ATP6V1C2: variants seen among roughly 807,000 people sequenced by gnomAD.
The protein encoded by ATP6V1C2 is V-type proton ATPase subunit C 2.
ATP6V1C2 carries 45 observed loss-of-function variants against 56.8 expected under a neutral mutation model. That is an observed-to-expected ratio of 0.79 (90% CI 0.62 to 1.02). The LOEUF (loss-of-function observed/expected upper bound fraction) is 1.02, where lower values mean the gene tolerates loss of function less well. Ranked by LOEUF, ATP6V1C2 falls within the 50% of genes least tolerant of loss-of-function variation. The probability of loss-of-function intolerance (pLI) is 0.00; values close to 1 mark genes in which losing one functional copy is unlikely to be tolerated. For missense variants in ATP6V1C2, 463 were observed against 519.7 expected, an observed-to-expected ratio of 0.89 and a Z score of 1.06; for synonymous variants, 220 against 201.3, an observed-to-expected ratio of 1.09 and a Z score of -0.79.
At chr2:10,781,906 G>A (rs992355884) in intron 12 of ATP6V1C2, among the ~76,000 whole-genome samples, 3 of 152,194 alleles carry the variant, frequency 2.0e-5, no homozygotes, top group African/African-American at 4.8e-5. Context: ...AAAAACGGCC[G>A]AGCTGGGTTT....
At chr2:10,748,266 G>T (rs1663029664) in intron 3 of ATP6V1C2, among the ~76,000 whole-genome samples, 1 of 152,106 alleles carries the variant, frequency 6.6e-6, no homozygotes, top group Non-Finnish European at 1.5e-5. Context: ...TCCTTAATTT[G>T]AACTCGTGCT....
At chr2:10,750,684 G>C (rs923858712) in intron 3 of ATP6V1C2, among the ~76,000 whole-genome samples, 3 of 152,206 alleles carry the variant, frequency 2.0e-5, no homozygotes, top group African/African-American at 4.8e-5. Flanking sequence ...AGACATTGCT[G>C]AGCAGCTGCT....
chr2:10,744,778 C>T (rs1051928446), intron 3 of ATP6V1C2, among the ~76,000 whole-genome samples: 1 of 149,794 alleles, frequency 6.7e-6, no homozygotes, highest in African/African-American at 2.5e-5. Context: ...AAGCAATTCT[C>T]CTGCCTCTGC....
chr2:10,776,182 G>C (rs1045220955), intron 10 of ATP6V1C2, among the ~76,000 whole-genome samples: 1 of 152,068 alleles, frequency 6.6e-6, no homozygotes, highest in Non-Finnish European at 1.5e-5. Context: ...TCCCTTTAGG[G>C]AGGAAACAAC....
chr2:10,737,256 AAT>A (rs1258369980), intron 3 of ATP6V1C2, among the ~76,000 whole-genome samples: 3 of 23,332 alleles, frequency 1.3e-4, no homozygotes, highest in African/African-American at 5.1e-4. Context: ...CTCTACTAAA[AAT>A]ACAAAAAAAA....
intron 3 of ATP6V1C2, among the ~76,000 whole-genome samples, chr2:10,737,946 C>T (rs187117108): frequency 5.4e-4 from 82 of 152,230 alleles, no homozygotes; most frequent in African/African-American, 1.8e-3. Flanking sequence ...CTGCCTTGGC[C>T]TCCCAAAATG....
chr2:10,772,287 G>A (rs1459274018), intron 7 of ATP6V1C2, among the ~76,000 whole-genome samples: 2 of 152,126 alleles, frequency 1.3e-5, no homozygotes, highest in East Asian at 1.9e-4. Context: ...CACGGGGCCC[G>A]GATTAGATGG....
intron 4 of ATP6V1C2, among the ~76,000 whole-genome samples, chr2:10,762,208 C>T (rs1270977813): frequency 6.7e-6 from 1 of 148,238 alleles, no homozygotes; most frequent in African/African-American, 2.5e-5. Context: ...TGCAGTGGCT[C>T]ATTCTTGGCT....
chr2:10,755,397 G>C (rs1186639249), intron 4 of ATP6V1C2, among the ~76,000 whole-genome samples: 1 of 152,126 alleles, frequency 6.6e-6, no homozygotes, highest in Non-Finnish European at 1.5e-5. Flanking sequence ...GCCCAGGCTG[G>C]TCTTAAACTC....
At chr2:10,762,371 C>T (rs911837426) in intron 4 of ATP6V1C2, among the ~76,000 whole-genome samples, 1 of 152,058 alleles carries the variant, frequency 6.6e-6, no homozygotes, top group East Asian at 1.9e-4. Context: ...GTCTCAAACT[C>T]CTGACCTCGT....
chr2:10,774,977 G>A lies in ATP6V1C2; in HGVS notation c.732-1G>A. 1 of 1,613,752 alleles carries A rather than the reference G, an allele frequency of 6.2e-7. No individual in the cohort carries two copies. Among genetic ancestry groups the A allele is most frequent in the Non-Finnish European group, 8.5e-7 (1 of 1,179,656 alleles). ...AAAACCCATGATTTGCTTGTTTTAA[G>A]GTTCACTGTTCGTGAATTTTACTAT... On this transcript the variant is annotated splice_acceptor_variant, in intron 9 of 13. Transcript: ENST00000272238. LOFTEE classifies it high-confidence loss of function.
At chr2:10,737,750 C>T (rs1230157213) in intron 3 of ATP6V1C2, among the ~76,000 whole-genome samples, 1 of 152,132 alleles carries the variant, frequency 6.6e-6, no homozygotes, top group Non-Finnish European at 1.5e-5. Context: ...AGTGAAGTGG[C>T]GCAATCTCTC....
chr2:10,738,804 C>T (rs570142009), intron 3 of ATP6V1C2, among the ~76,000 whole-genome samples: 68 of 152,268 alleles, frequency 4.5e-4, no homozygotes, highest in African/African-American at 1.5e-3. Flanking sequence ...GTGACTTAAG[C>T]GCCTGGTGCT....
chr2:10,756,812 T>C (rs1380252764), intron 4 of ATP6V1C2, among the ~76,000 whole-genome samples: 4 of 152,138 alleles, frequency 2.6e-5, no homozygotes, highest in Non-Finnish European at 5.9e-5. Flanking sequence ...CGATACCACC[T>C]AGGTTTTTGT....
In ATP6V1C2 at chr2:10,783,548, G is replaced by A. The variant is rs192453762; in HGVS notation, c.*285G>A. On this transcript the variant is annotated 3_prime_UTR_variant, in exon 14 of 14. Coordinates refer to ENST00000272238, the MANE Select transcript of ATP6V1C2 (RefSeq NM_001039362.2). ...CTGCTGCTGTATTTCATGTCTTAAC[G>A]GCTATTTTGAGGTTCATTAACAACA... 6.5e-4 allele frequency: 195 copies of A among 301,896 alleles called. 1 individual carries two copies. The highest frequency in any genetic ancestry group is 3.8e-3 in the African/African-American group (170 of 45,176). The allele number at this position is 301,896 out of a possible 1,614,324, so 18.7% of individuals were successfully genotyped here.
chr2:10,775,178 C>G, intron 10 of ATP6V1C2, 107 bp downstream of exon 10: 7 of 849,100 alleles, frequency 8.2e-6, no homozygotes, highest in Non-Finnish European at 1.4e-5. Flanking sequence ...TGTCCCCAGG[C>G]TCCTGGGCTC....
chr2:10,761,580 A>G (rs1373106790), intron 4 of ATP6V1C2, among the ~76,000 whole-genome samples: 1 of 152,172 alleles, frequency 6.6e-6, no homozygotes, highest in Non-Finnish European at 1.5e-5. Context: ...GCTGTCACAA[A>G]ATACCACTGA....
chr2:10,755,762 G>C (rs1160226580), intron 4 of ATP6V1C2, among the ~76,000 whole-genome samples: 1 of 152,170 alleles, frequency 6.6e-6, no homozygotes, highest in Non-Finnish European at 1.5e-5. Context: ...GCCTTCCTGT[G>C]CTGAGGAAGG....
intron 8 of ATP6V1C2, among the ~76,000 whole-genome samples, chr2:10,773,825 G>A (rs1452054417): frequency 6.6e-6 from 1 of 152,228 alleles, no homozygotes; most frequent in Non-Finnish European, 1.5e-5. Flanking sequence ...CTGCCCTGGG[G>A]CCCCTGCTGG....
Sources: allele counts gnomAD v4.1 joint callset (sites outside exome capture counted in the v4.1 genomes callset), GRCh38; gene constraint gnomAD v4.1.1; transcripts MANE v1.5; gene names NCBI Gene and HGNC (gene_info 2026-07-23, HGNC 2026-07-21).